Variants in TRIM5 observed in about 807,000 individuals in gnomAD.
The protein encoded by TRIM5 is tripartite motif-containing protein 5.
TRIM5 carries 31 observed loss-of-function variants against 35.6 expected under a neutral mutation model. That is an observed-to-expected ratio of 0.87 (90% CI 0.65 to 1.18). The LOEUF is 1.18. Among genes scored for constraint, TRIM5 ranks in the 50% most tolerant of loss-of-function variants. TRIM5 has a pLI of 0.00. For missense variants in TRIM5, 609 were observed against 591.6 expected (o/e 1.03, Z -0.31); for synonymous variants, 243 against 215.6 (o/e 1.13, Z -1.11).
chr11:5,640,808 C>T, the TRIM5 span, among the ~76,000 whole-genome samples: 2 of 152,132 alleles, frequency 1.3e-5, no homozygotes, highest in Non-Finnish European at 2.9e-5. Flanking sequence ...CTTTGAATTC[C>T]AACTTAATCT....
In TRIM5 at chr11:5,665,062, C is replaced by T; in HGVS notation, c.1229G>A (p.Cys410Tyr). The T allele has an allele frequency of 4.3e-6, 7 of 1,614,110 alleles. No individual in the cohort carries two copies. The highest frequency in any genetic ancestry group is 5.9e-6 in the Non-Finnish European group (7 of 1,180,024). Reference sequence around the variant, plus strand: ...GAAGGAACTATCCTGGAAAGCACTACATTTAACTCCTTCCTCTAACCCTAT... The same window carrying T: ...GAAGGAACTATCCTGGAAAGCACTATATTTAACTCCTTCCTCTAACCCTAT... ...WVIGLEEGVKCSAFQDSSFHT... is the reference protein window; with the variant it reads ...WVIGLEEGVKYSAFQDSSFHT... Residue 410 changes from cysteine (C) to tyrosine (Y), a missense_variant, in exon 8 of 8, where the codon TGT becomes TAT. Transcript: ENST00000380034.
intron 2 of TRIM5, 60 bp downstream of exon 2, chr11:5,679,701 T>A: frequency 6.6e-7 from 1 of 1,504,740 alleles, no homozygotes; most frequent in Non-Finnish European, 8.9e-7. Context: ...AAAGGCAAAG[T>A]GAAAATTTTC....
chr11:5,643,837 G>T, the TRIM5 span: 3 of 1,258,090 alleles, frequency 2.4e-6, no homozygotes, highest in Non-Finnish European at 3.3e-6. Context: ...TCCTTGAGAT[G>T]TATGGTGTAT....
chr11:5,593,921 C>T, the TRIM5 span, among the ~76,000 whole-genome samples: 7 of 152,168 alleles, frequency 4.6e-5, no homozygotes, highest in Admixed American at 4.6e-4. Context: ...ACTTGGTTCC[C>T]TTTTAACACT....
intron 5 of TRIM5, among the ~76,000 whole-genome samples, chr11:5,667,412 T>C (rs58888165): frequency 1.3e-5 from 2 of 152,188 alleles, no homozygotes; most frequent in Non-Finnish European, 2.9e-5. Context: ...TTTTGCCACG[T>C]TGGCCAGGCT....
chr11:5,684,838 C>T (rs118041544), intron 1 of TRIM5, 30 bp downstream of exon 1: 10 of 152,410 alleles, frequency 6.6e-5, no homozygotes, highest in Non-Finnish European at 7.3e-5. Context: ...TCCCCACCCC[C>T]GCACAGCTTT....
At chr11:5,665,760 G>C in intron 6 of TRIM5, 78 bp from the exon 7 acceptor site, 1 of 1,473,698 alleles carries the variant, frequency 6.8e-7, no homozygotes, top group Non-Finnish European at 8.9e-7. Flanking sequence ...CCAGATTAGG[G>C]AAAGAGTAGG....
intron 1 of TRIM5, among the ~76,000 whole-genome samples, chr11:5,682,684 T>C (rs1174108455): frequency 2.0e-5 from 3 of 152,082 alleles, no homozygotes; most frequent in Non-Finnish European, 4.4e-5. Flanking sequence ...CATTAACATA[T>C]CACTAGAGTG....
chr11:5,642,321 A>C, the TRIM5 span: 1 of 1,224,802 alleles, frequency 8.2e-7, no homozygotes, highest in Non-Finnish European at 1.2e-6. Flanking sequence ...TGCATCAGTG[A>C]TGTGAAGGAG....
the TRIM5 span, chr11:5,632,399 C>A: frequency 6.2e-7 from 1 of 1,613,940 alleles, no homozygotes; most frequent in Non-Finnish European, 8.5e-7. Context: ...GAGCTGTTGA[C>A]AGAACCCTTG....
chr11:5,607,622 A>C, the TRIM5 span, among the ~76,000 whole-genome samples: 23 of 152,344 alleles, frequency 1.5e-4, no homozygotes, highest in African/African-American at 5.5e-4. Context: ...CTGGTGACCA[A>C]ATGAAATTGA....
intron 4 of TRIM5, among the ~76,000 whole-genome samples, chr11:5,671,330 C>T (rs533845652): frequency 6.8e-6 from 1 of 148,058 alleles, no homozygotes; most frequent in Admixed American, 6.7e-5. Flanking sequence ...AAAAACCCCA[C>T]AAAACAATAA....
the TRIM5 span, chr11:5,610,778 T>G: frequency 1.2e-6 from 2 of 1,613,896 alleles, no homozygotes; most frequent in Non-Finnish European, 1.7e-6. Context: ...TTCCTACAGT[T>G]GACGTGACCC....
the TRIM5 span, chr11:5,632,445 C>A: frequency 6.2e-7 from 1 of 1,614,010 alleles, no homozygotes; most frequent in Non-Finnish European, 8.5e-7. Context: ...GCCGAGCCTG[C>A]ATCACTGTGA....
the TRIM5 span, among the ~76,000 whole-genome samples, chr11:5,647,308 T>C: frequency 2.0e-5 from 3 of 152,342 alleles, no homozygotes; most frequent in South Asian, 6.2e-4. Flanking sequence ...CACCTTTTCA[T>C]ACTCTTCTAA....
At chr11:5,676,982 C>T (rs1168612740) in intron 4 of TRIM5, among the ~76,000 whole-genome samples, 1 of 152,046 alleles carries the variant, frequency 6.6e-6, no homozygotes, top group African/African-American at 2.4e-5. Flanking sequence ...AAACGTTAGA[C>T]CTAAAACCAC....
Position 5,680,030 on chromosome 11 carries a change from T to C in TRIM5, c.148A>G (p.Lys50Glu), listed in dbSNP as rs531729738. 1 of 1,614,168 alleles carries C rather than the reference T, an allele frequency of 6.2e-7. No homozygotes were observed. The highest frequency in any genetic ancestry group is 1.1e-5 in the South Asian group (1 of 91,074). The change falls in exon 2 of 8, where the codon AAA becomes GAA. Residue 50 changes from lysine (K) to glutamate (E), a missense_variant. Coordinates refer to ENST00000380034, the MANE Select transcript of TRIM5 (RefSeq NM_033034.3). ...CACACAGGGCAGCTACTCTCTCCTT[T>C]GTCTAGCATGGACTTCTTGTGGTTT... Reference protein sequence around the residue: ...TANHKKSMLDKGESSCPVCRI... With the variant: ...TANHKKSMLDEGESSCPVCRI...
At chr11:5,632,186 T>TG in the TRIM5 span, 1 of 1,516,616 alleles carries the variant, frequency 6.6e-7, no homozygotes, top group Non-Finnish European at 8.8e-7. Flanking sequence ...GGCCAGTCTT[T>TG]ATTGTCTGTG....
the TRIM5 span, among the ~76,000 whole-genome samples, chr11:5,637,372 A>T: frequency 2.0e-5 from 3 of 152,152 alleles, no homozygotes; most frequent in African/African-American, 7.2e-5. Context: ...ACTTACTGCC[A>T]AAGAACGATC....
Sources: gnomAD v4.1 joint callset for allele counts (sites outside exome capture counted in the v4.1 genomes callset) on GRCh38, gnomAD v4.1.1 for gene constraint, MANE v1.5 for transcripts, NCBI Gene and HGNC (gene_info 2026-07-23, HGNC 2026-07-21) for gene names.